The following RASGRF1 variants were observed in gnomAD, a reference collection of about 807,000 sequenced individuals.
RASGRF1 encodes Ras protein specific guanine nucleotide releasing factor 1.
RASGRF1 carries 40 observed loss-of-function variants against 138.7 expected under a neutral mutation model. The observed-to-expected ratio is 0.29, with a 90% CI of 0.22 to 0.38. RASGRF1 has a LOEUF of 0.38. Among genes scored for constraint, RASGRF1 ranks in the 10% least tolerant of loss-of-function variants. RASGRF1 has a pLI of 1.00. For synonymous variants in RASGRF1, 614 were observed against 663.2 expected, an observed-to-expected ratio of 0.93 and a Z score of 1.14; for missense variants, 1,108 against 1,650.4, an observed-to-expected ratio of 0.67 and a Z score of 5.69.
intron 26 of RASGRF1, among the ~76,000 whole-genome samples, chr15:78,963,972 C>T (rs72730672): frequency 0.06 from 9,195 of 152,100 alleles, 409 homozygotes; most frequent in Middle Eastern, 0.19. Context: ...TGATTAGTTT[C>T]CTCCGTAGTG....
chr15:79,001,712 G>C lies in RASGRF1; in HGVS notation c.2525C>G (p.Pro842Arg), dbSNP rs2056531188. The change falls in exon 16 of 27, where the codon CCA becomes CGA. Residue 842 changes from proline to arginine, a missense_variant. Coordinates refer to ENST00000558480, the MANE Select transcript of RASGRF1 (RefSeq NM_001145648.3). Reference protein sequence around the residue: ...QSDDGDTETSPTKSPTTPKSV... With the variant: ...QSDDGDTETSRTKSPTTPKSV... ...TTTGGGTGTTGTTGGAGATTTAGTT[G>C]GTGATGTTTCAGTATCACCATCATC... is the stretch of plus-strand genomic sequence containing the variant. The C allele has an allele frequency of 1.2e-6, 2 of 1,610,452 alleles. No homozygotes were observed. The highest frequency in any genetic ancestry group is 4.5e-5 in the East Asian group (2 of 44,846).
chr15:78,973,195 A>ACC lies in RASGRF1; in HGVS notation c.3612+106_3612+107dup. The ACC allele has an allele frequency of 1.2e-6, 1 of 839,230 alleles. No individual in the cohort carries two copies. Among genetic ancestry groups the ACC allele is most frequent in the Admixed American group, 2.5e-5 (1 of 40,290 alleles). The allele number at this position is 839,230 out of a possible 1,614,324, so 52.0% of individuals were successfully genotyped here. A position where few individuals can be genotyped will look rare whatever the true frequency, so the allele number is the denominator to read the frequency against. On this transcript the variant is annotated intron_variant, in intron 25 of 26. Coordinates refer to ENST00000558480, the MANE Select transcript of RASGRF1 (RefSeq NM_001145648.3). This position sits in a 1 kb window ranked among gnomAD's most constrained non-coding sequence, Gnocchi z 4.9. ...TGGACCCAGGCTCCCAAATGGGGGC[A>ACC]CCCTATGCAGCAGGTTGGGCCTTGG... is the stretch of plus-strand genomic sequence containing the variant.
intron 5 of RASGRF1, among the ~76,000 whole-genome samples, chr15:79,043,662 C>A (rs79664270): frequency 0.12 from 17,819 of 152,196 alleles, 1,213 homozygotes; most frequent in Non-Finnish European, 0.15. Flanking sequence ...GTGAAATGGG[C>A]AGCATCCTTG....
chr15:79,005,847 G>T (rs1220732847), intron 14 of RASGRF1, among the ~76,000 whole-genome samples: 1 of 151,136 alleles, frequency 6.6e-6, no homozygotes, highest in Non-Finnish European at 1.5e-5. Context: ...TTCACCAAAG[G>T]AAGCACTGTC....
At chr15:79,044,254 T>G (rs774641557) in intron 5 of RASGRF1, among the ~76,000 whole-genome samples, 2 of 152,228 alleles carry the variant, frequency 1.3e-5, no homozygotes, top group Non-Finnish European at 2.9e-5. Flanking sequence ...ACTCTCATCT[T>G]TGGGCCTTTG....
At position 79,064,474 on chromosome 15, in the gene RASGRF1, C is replaced by T. The variant is rs2057649963; in HGVS notation, c.329G>A (p.Arg110Lys). The change falls in exon 2 of 27, where the codon AGG becomes AAG. Residue 110 changes from arginine (R) to lysine (K), a missense_variant. By Grantham distance (26) the Arg-to-Lys change is conservative. Coordinates refer to ENST00000558480, the MANE Select transcript of RASGRF1 (RefSeq NM_001145648.3). ...SHENQKALEL[R>K]TEDAKDCDEW... Reference sequence around the variant, plus strand: ...GTCACAATCTTTTGCGTCCTCTGTCCTCAGCTCCAAGGCTTTCTGGTTCTC... The same window carrying T: ...GTCACAATCTTTTGCGTCCTCTGTCTTCAGCTCCAAGGCTTTCTGGTTCTC... 1 of 1,614,094 alleles carries T rather than the reference C, an allele frequency of 6.2e-7. No homozygotes were observed. The highest frequency in any genetic ancestry group is 1.3e-5 in the African/African-American group (1 of 74,936).
intron 1 of RASGRF1, among the ~76,000 whole-genome samples, chr15:79,090,004 C>T (rs2058032707): frequency 6.6e-6 from 1 of 152,216 alleles, no homozygotes; most frequent in African/African-American, 2.4e-5. Context: ...GCAGCCGCAG[C>T]CCACATCTAC....
chr15:79,086,533 C>T (rs2057982115), intron 1 of RASGRF1, among the ~76,000 whole-genome samples: 1 of 151,532 alleles, frequency 6.6e-6, no homozygotes, highest in Non-Finnish European at 1.5e-5. Flanking sequence ...TTTGTCTTGT[C>T]TCTAGAGAAG....
chr15:78,977,061 A>C (rs1395884746), intron 24 of RASGRF1, among the ~76,000 whole-genome samples: 1 of 152,112 alleles, frequency 6.6e-6, no homozygotes, highest in African/African-American at 2.4e-5. Flanking sequence ...GACGCTCCTG[A>C]TGATGTTAAA....
In RASGRF1 at chr15:79,029,926, G is replaced by C. The variant is rs374846960; in HGVS notation, c.1262+1474C>G. Among the ~76,000 whole-genome samples, 33 of 152,292 alleles carry C rather than the reference G, an allele frequency of 2.2e-4. No homozygotes were observed. The South Asian group carries it at 3.1e-3, about 14-fold the overall frequency. ...CTGCAGCTCTGTTTGCAACAGGATA[G>C]GATATCCCTCAGCAAGGAGGAGCCT... On this transcript the variant is annotated intron_variant, in intron 8 of 26. Transcript: ENST00000558480.
intron 20 of RASGRF1, 47 bp downstream of exon 20, chr15:78,995,693 G>C: frequency 6.2e-7 from 1 of 1,605,226 alleles, no homozygotes; most frequent in Non-Finnish European, 8.5e-7. Flanking sequence ...CTGGGCAGGA[G>C]GATGGGGAGG....
chr15:79,076,250 C>T (rs901619382), intron 1 of RASGRF1, among the ~76,000 whole-genome samples: 4 of 150,590 alleles, frequency 2.7e-5, no homozygotes, highest in Admixed American at 2.0e-4. Context: ...GAAGCCCTGT[C>T]GCTCAAGTCC....
chr15:78,985,285 A>G, intron 22 of RASGRF1, 81 bp from the exon 23 acceptor site: 1 of 1,343,306 alleles, frequency 7.4e-7, no homozygotes. Context: ...TGCAGATATG[A>G]TTGCCTGCTT....
intron 5 of RASGRF1, among the ~76,000 whole-genome samples, chr15:79,037,683 T>C (rs187824532): frequency 4.6e-4 from 70 of 152,162 alleles, no homozygotes; most frequent in African/African-American, 1.7e-3. Flanking sequence ...GGTTTCAAAC[T>C]CCTGACCTCA....
chr15:78,998,620 C>T (rs2056447258), intron 18 of RASGRF1, 99 bp downstream of exon 18: 2 of 1,002,114 alleles, frequency 2.0e-6, no homozygotes, highest in East Asian at 2.4e-5. Context: ...TGCCAGCCAT[C>T]AGCTCACTCT....
At position 78,961,463 on chromosome 15, in the gene RASGRF1, T is replaced by C. The variant is rs1205721925; in HGVS notation, c.*681A>G. The C allele has an allele frequency of 3.3e-5, 5 of 152,212 alleles. No homozygotes were observed. The highest frequency in any genetic ancestry group is 1.2e-4 in the African/African-American group (5 of 41,430). The allele number at this position is 152,212 out of a possible 1,614,324, so 9.4% of individuals were successfully genotyped here. On this transcript the variant is annotated 3_prime_UTR_variant, in exon 27 of 27. Coordinates refer to ENST00000558480, the MANE Select transcript of RASGRF1 (RefSeq NM_001145648.3). ...AGTCTAGGGCCTCATCCAGTTGTAT[T>C]GAGACTGCTATTCATGCTATCTGGT...
Position 79,020,154 on chromosome 15 carries a change from GT to G in RASGRF1, c.1543-51del, listed in dbSNP as rs1020763014. 4 of 1,563,204 alleles carry G rather than the reference GT, an allele frequency of 2.6e-6. No individual in the cohort carries two copies. In the South Asian group the frequency reaches 4.4e-5, roughly 17 times the overall value. The stretch of plus-strand genomic sequence containing the variant: ...TTTGGATTGAGGGGTAGATATGCTG[GT>G]TTAGGAGTCCCTGGATGATAGGGTT... On this transcript the variant is annotated intron_variant, in intron 10 of 26. Coordinates refer to ENST00000558480, the MANE Select transcript of RASGRF1 (RefSeq NM_001145648.3).
Position 79,027,677 on chromosome 15 carries a change from G to T in RASGRF1, c.1381+64C>A. ...CCAACTGGTGGCGTCCCCGAGTGCC[G>T]CCTCCCTCCCGCTGCTGGGGCCCAC... On this transcript the variant is annotated intron_variant, in intron 9 of 26. Transcript: ENST00000558480. The surrounding 1 kb of genome is among the most constrained non-coding windows in gnomAD (Gnocchi z 4.8). 1 of 1,497,060 alleles carries T rather than the reference G, an allele frequency of 6.7e-7. No individual in the cohort carries two copies. The highest frequency in any genetic ancestry group is 1.4e-5 in the African/African-American group (1 of 72,412). The allele number at this position is 1,497,060 out of a possible 1,614,324, so 92.7% of individuals were successfully genotyped here.
rs543184628 is a variant in RASGRF1, at chr15:79,049,877, G to A, written c.532-289C>T. On this transcript the variant is annotated intron_variant, in intron 3 of 26. Coordinates refer to ENST00000558480, the MANE Select transcript of RASGRF1 (RefSeq NM_001145648.3). ...CCTTGGACGAAGCCCTTCTGCTCTCGGGGCTGTAGCCACCTCATTTGTAAT... is the reference window on the plus strand; with the variant it reads ...CCTTGGACGAAGCCCTTCTGCTCTCAGGGCTGTAGCCACCTCATTTGTAAT... Among the ~76,000 whole-genome samples the A allele has an allele frequency of 2.8e-4, 43 of 152,296 alleles. No individual in the cohort carries two copies. The East Asian group carries it at 4.8e-3, about 17-fold the overall frequency.
Sources: gnomAD v4.1 joint callset for allele counts (sites outside exome capture counted in the v4.1 genomes callset) on GRCh38, gnomAD v4.1.1 for gene constraint, Gnocchi (gnomAD v3.1) non-coding constraint, MANE v1.5 for transcripts, NCBI Gene and HGNC (gene_info 2026-07-23, HGNC 2026-07-21) for gene names.